Variants in CNOT1 observed in about 807,000 individuals in gnomAD.
The protein encoded by CNOT1 is CCR4-associated factor 1.
In CNOT1, 15 loss-of-function variants were observed where a neutral mutation model predicts 273.8. The ratio of observed to expected loss-of-function variants is 0.05; its 90% CI spans 0.04 to 0.08. CNOT1 has a LOEUF of 0.08. CNOT1 is among the 10% of genes least tolerant of loss of function. CNOT1 has a pLI of 1.00. For missense variants in CNOT1, 1,644 were observed against 2,912.2 expected (o/e 0.56, Z 10.02); for synonymous variants, 1,022 against 1,005.5 (o/e 1.02, Z -0.31).
intron 8 of CNOT1, among the ~76,000 whole-genome samples, chr16:58,584,897 T>G (rs528797234): frequency 2.0e-5 from 3 of 151,636 alleles, no homozygotes; most frequent in African/African-American, 7.3e-5. Context: ...TTTGGTGCCC[T>G]AAGCAAGTGA....
intron 31 of CNOT1, 145 bp from the exon 32 acceptor site, chr16:58,542,713 C>A (rs2040129546): frequency 1.1e-5 from 14 of 1,277,628 alleles, no homozygotes; most frequent in Non-Finnish European, 1.5e-5. Flanking sequence ...AAGCTGTGAT[C>A]TTGAAACAGT....
chr16:58,608,438 C>G (rs1442064992), intron 1 of CNOT1, among the ~76,000 whole-genome samples: 1 of 151,576 alleles, frequency 6.6e-6, no homozygotes, highest in African/African-American at 2.4e-5. Context: ...GCCTGTAATA[C>G]CAGCTACTCG....
At chr16:58,619,815 T>C (rs2043242138) in intron 1 of CNOT1, among the ~76,000 whole-genome samples, 1 of 152,210 alleles carries the variant, frequency 6.6e-6, no homozygotes, top group Admixed American at 6.6e-5. Flanking sequence ...TTATTTGCTT[T>C]GGTCACAACT....
Position 58,543,626 on chromosome 16 carries a change from C to T in CNOT1, c.4415G>A (p.Ser1472Asn). 3.1e-6 allele frequency: 5 copies of T among 1,614,166 alleles called. No homozygotes were observed. Among genetic ancestry groups the T allele is most frequent in the Non-Finnish European group, 4.2e-6 (5 of 1,180,026 alleles). Residue 1472 changes from serine (S) to asparagine (N), a missense_variant, in exon 31 of 49, where the codon AGT becomes AAT. Coordinates refer to ENST00000317147, the MANE Select transcript of CNOT1 (RefSeq NM_016284.5). Reference sequence around the variant, plus strand: ...ACTTACACGAAGGGCTGAGGCAAAACTGTTTTTTAAGTTGGTAGATATGCT... The same window carrying T: ...ACTTACACGAAGGGCTGAGGCAAAATTGTTTTTTAAGTTGGTAGATATGCT... ...LMSISTNLKN[S>N]FASALRTASP... is the part of the protein sequence containing the mutation.
At chr16:58,607,393 T>C (rs966362314) in intron 1 of CNOT1, among the ~76,000 whole-genome samples, 2 of 152,102 alleles carry the variant, frequency 1.3e-5, no homozygotes, top group Non-Finnish European at 2.9e-5. Context: ...ATATATATAG[T>C]TGCTTTTTTG....
intron 21 of CNOT1, among the ~76,000 whole-genome samples, chr16:58,554,935 C>CAAAAAAAAA (rs56180546): frequency 0.02 from 1,539 of 78,448 alleles, 119 homozygotes; most frequent in African/African-American, 0.063. Flanking sequence ...GACTCCATCT[C>CAAAAAAAAA]AAAAAAAAAA....
At chr16:58,563,452 A>T (rs1246373985) in intron 16 of CNOT1, among the ~76,000 whole-genome samples, 1 of 152,214 alleles carries the variant, frequency 6.6e-6, no homozygotes, top group Non-Finnish European at 1.5e-5. Context: ...TCAGAAATGC[A>T]TTCCTATTGT....
intron 2 of CNOT1, among the ~76,000 whole-genome samples, chr16:58,589,367 G>GCC (rs992014793): frequency 1.2e-4 from 19 of 152,134 alleles, no homozygotes; most frequent in Admixed American, 3.9e-4. Flanking sequence ...ACAAAAATTA[G>GCC]CCAAGCATGG....
At chr16:58,557,539 G>T (rs1267576717) in intron 18 of CNOT1, among the ~76,000 whole-genome samples, 1 of 152,150 alleles carries the variant, frequency 6.6e-6, no homozygotes, top group Non-Finnish European at 1.5e-5. Flanking sequence ...ATGACAACAT[G>T]GAAGTCCTTA....
At chr16:58,565,752 T>C (rs1044311493) in intron 16 of CNOT1, among the ~76,000 whole-genome samples, 5 of 152,162 alleles carry the variant, frequency 3.3e-5, no homozygotes, top group Non-Finnish European at 5.9e-5. Context: ...AAGAGCAGCC[T>C]GGCCAACATG....
In CNOT1 at chr16:58,614,955, G is replaced by A. The variant is rs914029757; in HGVS notation, c.-175+14773C>T. On this transcript the variant is annotated intron_variant, in intron 1 of 48. Coordinates refer to ENST00000317147, the MANE Select transcript of CNOT1 (RefSeq NM_016284.5). ...ACGCCTGGCCTCAACTGATCTGCCC[G>A]CCACGGTCTCCTGACGTGCTGGGAT... Among the ~76,000 whole-genome samples, 3 of 121,064 alleles carry A rather than the reference G, an allele frequency of 2.5e-5. 1 individual carries two copies. The highest frequency in any genetic ancestry group is 8.4e-5 in the African/African-American group (3 of 35,648). 79.4% of individuals were successfully genotyped at this position (121,064 alleles called of 152,430 possible).
chr16:58,578,251 T>G (rs575258871), intron 13 of CNOT1, among the ~76,000 whole-genome samples: 29 of 152,012 alleles, frequency 1.9e-4, no homozygotes, highest in Non-Finnish European at 4.0e-4. Flanking sequence ...GTCAGGAGTT[T>G]GAGACTATCC....
chr16:58,621,284 C>T (rs2043302388), intron 1 of CNOT1, among the ~76,000 whole-genome samples: 1 of 151,774 alleles, frequency 6.6e-6, no homozygotes, highest in Admixed American at 6.6e-5. Flanking sequence ...CTTTCTTTTT[C>T]TTTTTTGAGA....
intron 19 of CNOT1, 108 bp downstream of exon 19, chr16:58,556,739 T>C (rs1342182045): frequency 3.5e-6 from 5 of 1,436,170 alleles, no homozygotes; most frequent in Non-Finnish European, 4.6e-6. Flanking sequence ...TTTATTCCCA[T>C]TGGTCTAGGA....
intron 2 of CNOT1, among the ~76,000 whole-genome samples, chr16:58,598,572 G>C (rs1468321264): frequency 6.6e-6 from 1 of 150,932 alleles, no homozygotes; most frequent in Non-Finnish European, 1.5e-5. Flanking sequence ...TCCTCCAGGA[G>C]GCAGAGATTG....
rs1597436274 is a variant in CNOT1, at chr16:58,547,801, C to T, written c.3523-119G>A. On this transcript the variant is annotated intron_variant, in intron 25 of 48. Transcript: ENST00000317147. The surrounding 1 kb of genome is among the most constrained non-coding windows in gnomAD (Gnocchi z 4.0). The stretch of plus-strand genomic sequence containing the variant: ...ACAAGTCATCATTTCTAAGAACAGG[C>T]CCCAAAGTAGAATTACTCTGTATAT... The T allele has an allele frequency of 2.1e-6, 2 of 946,242 alleles. No homozygotes were observed. The highest frequency in any genetic ancestry group is 6.2e-5 in the Admixed American group (2 of 32,394). 58.6% of individuals were successfully genotyped at this position (946,242 alleles called of 1,614,324 possible).
chr16:58,592,315 G>A (rs1476671357), intron 2 of CNOT1, among the ~76,000 whole-genome samples: 2 of 152,036 alleles, frequency 1.3e-5, no homozygotes, highest in Non-Finnish European at 2.9e-5. Context: ...TAAAATGTTT[G>A]TCTTTAATTA....
intron 2 of CNOT1, among the ~76,000 whole-genome samples, chr16:58,594,117 G>A (rs1362602309): frequency 6.6e-6 from 1 of 152,126 alleles, no homozygotes; most frequent in Non-Finnish European, 1.5e-5. Context: ...GGTGGCGCAG[G>A]CCTGTAATCC....
chr16:58,576,118 CT>C (rs1488277591), intron 14 of CNOT1, among the ~76,000 whole-genome samples: 11 of 147,630 alleles, frequency 7.5e-5, no homozygotes, highest in Admixed American at 1.4e-4. Context: ...TTCCTTTTTT[CT>C]TTTTTTTTTG....
Sources: allele counts gnomAD v4.1 joint callset (sites outside exome capture counted in the v4.1 genomes callset), GRCh38; gene constraint gnomAD v4.1.1; non-coding constraint Gnocchi (gnomAD v3.1); transcripts MANE v1.5; gene names NCBI Gene and HGNC (gene_info 2026-07-23, HGNC 2026-07-21).